The following CTNNA3 variants were observed in gnomAD, a reference collection of about 807,000 sequenced individuals.
The protein encoded by CTNNA3 is catenin alpha-3.
Under a neutral mutation model 95.7 loss-of-function variants are expected in CTNNA3, and 76 were observed. The observed-to-expected ratio is 0.79, with a 90% CI of 0.66 to 0.96. The LOEUF (loss-of-function observed/expected upper bound fraction) is 0.96, where lower values mean the gene tolerates loss of function less well. CTNNA3 is among the 40% of genes least tolerant of loss of function. CTNNA3 has a pLI of 0.00. For missense variants in CTNNA3, 1,191 were observed against 1,089.8 expected (o/e 1.09, Z -1.31); for synonymous variants, 431 against 374.4 (o/e 1.15, Z -1.74).
At chr10:66,504,484 C>A (rs1840384601) in intron 11 of CTNNA3, among the ~76,000 whole-genome samples, 1 of 152,182 alleles carries the variant, frequency 6.6e-6, no homozygotes, top group Admixed American at 6.5e-5. Flanking sequence ...ACTTGGATAG[C>A]AAGATTGATG....
chr10:66,075,536 A>T (rs978037166), intron 14 of CTNNA3, among the ~76,000 whole-genome samples: 1 of 151,866 alleles, frequency 6.6e-6, no homozygotes, highest in Non-Finnish European at 1.5e-5. Flanking sequence ...GGCCTCCAAG[A>T]CTTTCCACAA....
At chr10:67,659,691 A>G (rs1840124293) in intron 1 of CTNNA3, among the ~76,000 whole-genome samples, 1 of 152,222 alleles carries the variant, frequency 6.6e-6, no homozygotes, top group Non-Finnish European at 1.5e-5. Flanking sequence ...ACTTTAAGCA[A>G]CCACGGCAGA....
rs114878054 is a variant in CTNNA3 at position 66,857,166 on chromosome 10, C to T, written c.1048-81642G>A. Among the ~76,000 whole-genome samples the T allele has an allele frequency of 7.4e-3, 1,118 of 152,100 alleles. 18 individuals are homozygous for T. The highest frequency in any genetic ancestry group is 0.024 in the African/African-American group (1,000 of 41,526). On this transcript the variant is annotated intron_variant, in intron 7 of 17. Coordinates refer to ENST00000433211, the MANE Select transcript of CTNNA3 (RefSeq NM_013266.4). Reference sequence around the variant, plus strand: ...GCACAATTTATTAAGGGAGTCCTTACCTCATTGCTTGTTTTTGTTCATTTT... The same window carrying T: ...GCACAATTTATTAAGGGAGTCCTTATCTCATTGCTTGTTTTTGTTCATTTT...
chr10:66,173,911 A>AT (rs2085567725), intron 13 of CTNNA3, among the ~76,000 whole-genome samples: 1 of 152,176 alleles, frequency 6.6e-6, no homozygotes, highest in South Asian at 2.1e-4. Context: ...AGGTACAAAG[A>AT]TTTTAAGTAA....
At chr10:66,627,206 G>A (rs1432146683) in intron 9 of CTNNA3, among the ~76,000 whole-genome samples, 2 of 152,206 alleles carry the variant, frequency 1.3e-5, no homozygotes, top group Admixed American at 1.3e-4. Flanking sequence ...ATCAAGTATA[G>A]GGGATATTCT....
chr10:67,108,113 A>T (rs757114690), intron 7 of CTNNA3, among the ~76,000 whole-genome samples: 4 of 152,228 alleles, frequency 2.6e-5, no homozygotes, highest in Non-Finnish European at 4.4e-5. Flanking sequence ...ATTTACTTAT[A>T]ATTATTTTTC....
At chr10:66,799,209 A>T (rs1401283531) in intron 7 of CTNNA3, among the ~76,000 whole-genome samples, 1 of 151,642 alleles carries the variant, frequency 6.6e-6, no homozygotes, top group Non-Finnish European at 1.5e-5. Flanking sequence ...GCTTACAATA[A>T]AAAATAAATA....
At chr10:66,475,983 C>A (rs935498430) in intron 11 of CTNNA3, among the ~76,000 whole-genome samples, 1 of 152,078 alleles carries the variant, frequency 6.6e-6, no homozygotes, top group African/African-American at 2.4e-5. Context: ...CAATGATAGA[C>A]TGGATAAAGA....
intron 1 of CTNNA3, chr10:67,751,271 T>C: frequency 1.8e-6 from 2 of 1,131,122 alleles, no homozygotes; most frequent in Non-Finnish European, 2.7e-6. Context: ...GGAATTCTCT[T>C]TCTTCGCTGA....
chr10:67,094,392 T>C (rs1857840907), intron 7 of CTNNA3, among the ~76,000 whole-genome samples: 1 of 151,866 alleles, frequency 6.6e-6, no homozygotes, highest in South Asian at 2.1e-4. Flanking sequence ...TTATTTTCAT[T>C]CTACATATTT....
At chr10:66,149,306 G>A (rs752868870) in intron 13 of CTNNA3, among the ~76,000 whole-genome samples, 1 of 149,524 alleles carries the variant, frequency 6.7e-6, no homozygotes, top group Non-Finnish European at 1.5e-5. Flanking sequence ...TAAATATAAG[G>A]AATGTTCATT....
chr10:65,954,660 T>C (rs1329836184), intron 17 of CTNNA3, among the ~76,000 whole-genome samples: 1 of 152,188 alleles, frequency 6.6e-6, no homozygotes, highest in Non-Finnish European at 1.5e-5. Flanking sequence ...TCCCCATTTC[T>C]TGTTTTTGTC....
intron 12 of CTNNA3, among the ~76,000 whole-genome samples, chr10:66,283,622 C>A (rs573848050): frequency 1.3e-5 from 2 of 151,890 alleles, no homozygotes; most frequent in African/African-American, 2.4e-5. Context: ...ATATTAGCTT[C>A]AATTAAAATA....
At chr10:66,086,441 A>G (rs567721538) in intron 14 of CTNNA3, among the ~76,000 whole-genome samples, 68 of 152,282 alleles carry the variant, frequency 4.5e-4, no homozygotes, top group African/African-American at 1.5e-3. Context: ...ATGAGAGACC[A>G]TGGTTTTTGC....
intron 12 of CTNNA3, among the ~76,000 whole-genome samples, chr10:66,375,408 C>A (rs2092789077): frequency 1.3e-5 from 2 of 152,100 alleles, no homozygotes; most frequent in South Asian, 2.1e-4. Flanking sequence ...AAGCTCCAGC[C>A]AATTCCCGTG....
chr10:66,557,011 A>C (rs934040563), intron 10 of CTNNA3, among the ~76,000 whole-genome samples: 1 of 152,092 alleles, frequency 6.6e-6, no homozygotes, highest in Non-Finnish European at 1.5e-5. Flanking sequence ...AAAGTAAAAA[A>C]GTGTTAGCAT....
At chr10:66,545,530 G>A (rs2931264) in intron 10 of CTNNA3, among the ~76,000 whole-genome samples, 140,052 of 152,086 alleles carry the variant, frequency 0.92, 64,680 homozygotes, top group East Asian at 0.98. Context: ...ATATGCATCA[G>A]TGTCTTCAGA....
intron 5 of CTNNA3, among the ~76,000 whole-genome samples, chr10:67,482,971 C>T (rs554247263): frequency 6.6e-6 from 1 of 152,166 alleles, no homozygotes; most frequent in African/African-American, 2.4e-5. Context: ...TGAACAGACA[C>T]TTCTCAAAAG....
chr10:67,338,818 T>C (rs1355570014), intron 5 of CTNNA3, among the ~76,000 whole-genome samples: 1 of 152,128 alleles, frequency 6.6e-6, no homozygotes, highest in Admixed American at 6.5e-5. Flanking sequence ...AAGCAAAAAA[T>C]ATGTAACAGT....
Sources: allele counts gnomAD v4.1 joint callset (sites outside exome capture counted in the v4.1 genomes callset), GRCh38; gene constraint gnomAD v4.1.1; transcripts MANE v1.5; gene names NCBI Gene and HGNC (gene_info 2026-07-23, HGNC 2026-07-21).